Variants in NXN observed in about 807,000 individuals in gnomAD.
NXN encodes nucleoredoxin.
A neutral mutation model predicts 48.6 loss-of-function variants in NXN; 16 were observed. That is an observed-to-expected ratio of 0.33 (90% CI 0.22 to 0.50). The LOEUF is 0.50. Among genes scored for constraint, NXN ranks in the 20% least tolerant of loss-of-function variants. The pLI is 0.98. For missense variants in NXN, 492 were observed against 605.5 expected (o/e 0.81, Z 1.97); for synonymous variants, 281 against 269.6 (o/e 1.04, Z -0.41).
intron 1 of NXN, among the ~76,000 whole-genome samples, chr17:961,404 A>G (rs578192823): frequency 4.7e-4 from 71 of 152,168 alleles, no homozygotes; most frequent in African/African-American, 1.6e-3. Flanking sequence ...AAAAAAGAAA[A>G]AGAAATAGCT....
chr17:808,305 A>AT (rs10644625), intron 5 of NXN, among the ~76,000 whole-genome samples: 24,494 of 140,392 alleles, frequency 0.17, 2,416 homozygotes, highest in East Asian at 0.36. Context: ...TGAAATACAC[A>AT]TTTTTTTTTT....
chr17:939,819 C>CT (rs1040690243), intron 1 of NXN, among the ~76,000 whole-genome samples: 5 of 152,146 alleles, frequency 3.3e-5, no homozygotes, highest in Admixed American at 1.3e-4. Flanking sequence ...CCCCCACATG[C>CT]TTTTTTTGTA....
chr17:888,174 C>T (rs1161354256), intron 1 of NXN, among the ~76,000 whole-genome samples: 1 of 152,182 alleles, frequency 6.6e-6, no homozygotes, highest in African/African-American at 2.4e-5. Context: ...AAAGGAAAAT[C>T]TGTATCTTAC....
chr17:953,875 G>A (rs942895695), intron 1 of NXN, among the ~76,000 whole-genome samples: 1 of 152,080 alleles, frequency 6.6e-6, no homozygotes, highest in Non-Finnish European at 1.5e-5. Flanking sequence ...GGTTGAGGCT[G>A]CAGTGGGCCA....
Position 819,491 on chromosome 17 carries a change from G to A in NXN, c.768C>T (p.Pro256=), listed in dbSNP as rs1199712134. 6.2e-7 allele frequency: 1 copy of A among 1,613,510 alleles called. No homozygotes were observed. Among genetic ancestry groups the A allele is most frequent in the Non-Finnish European group, 8.5e-7 (1 of 1,179,772 alleles). ...YFSEMPWLAV[P]YTDEARRSRL... is the part of the protein sequence containing the mutation. ...GCGACCGCCGGGCCTCATCCGTGTA[G>A]GGGACGGCGAGCCAGGGCATCTCAC... Residue 256 remains proline (P), a synonymous_variant, in exon 5 of 8, where the codon CCC becomes CCT. Transcript: ENST00000336868.
chr17:810,313 TGTGCACGTTACGA>T (rs1289542849), intron 5 of NXN, among the ~76,000 whole-genome samples: 2 of 97,248 alleles, frequency 2.1e-5, no homozygotes, highest in Non-Finnish European at 4.3e-5. Flanking sequence ...CTGTGAGTGG[TGTGCACGTTACGA>T]GTGCATGTGA....
intron 5 of NXN, among the ~76,000 whole-genome samples, chr17:813,670 T>G (rs1490024299): frequency 6.6e-6 from 1 of 152,132 alleles, no homozygotes; most frequent in Non-Finnish European, 1.5e-5. Flanking sequence ...TTTTTTTTTG[T>G]TTAAGAGACT....
chr17:910,035 A>T (rs1441954939), intron 1 of NXN: 1 of 152,230 alleles, frequency 6.6e-6, no homozygotes, highest in Non-Finnish European at 1.5e-5. Context: ...CCAAGAGAAC[A>T]ATCTTAAATC....
rs575745914 is a variant in NXN, at chr17:835,256, T to C, written c.361-9178A>G. Reference sequence around the variant, plus strand: ...CCAGGAGGCGGAGCTTGCAGTGAGCTGAGATCGTGCCACTGCACTCCAGCC... The same window carrying C: ...CCAGGAGGCGGAGCTTGCAGTGAGCCGAGATCGTGCCACTGCACTCCAGCC... On this transcript the variant is annotated intron_variant, in intron 1 of 7. Transcript: ENST00000336868. Among the ~76,000 whole-genome samples the C allele has an allele frequency of 1.3e-3, 191 of 146,788 alleles. 1 individual carries two copies. The highest frequency in any genetic ancestry group is 2.9e-3 in the Admixed American group (42 of 14,484).
chr17:813,722 A>G (rs1219569157), intron 5 of NXN, among the ~76,000 whole-genome samples: 1 of 152,104 alleles, frequency 6.6e-6, no homozygotes, highest in African/African-American at 2.4e-5. Context: ...TAATCCCAGC[A>G]CTTTGGGAGG....
intron 1 of NXN, among the ~76,000 whole-genome samples, chr17:922,455 A>C (rs915030294): frequency 6.6e-6 from 1 of 152,098 alleles, no homozygotes; most frequent in African/African-American, 2.4e-5. Context: ...AAAAAAAGAA[A>C]AAAAGAAAAG....
chr17:882,747 T>G (rs901528255), intron 1 of NXN, among the ~76,000 whole-genome samples: 75 of 151,004 alleles, frequency 5.0e-4, no homozygotes, highest in African/African-American at 1.6e-3. Flanking sequence ...TTATAGGCGT[T>G]AGCCACCGCA....
intron 1 of NXN, among the ~76,000 whole-genome samples, chr17:950,842 C>G (rs968311696): frequency 6.6e-6 from 1 of 151,844 alleles, no homozygotes; most frequent in African/African-American, 2.4e-5. Flanking sequence ...GTGTTTGGCA[C>G]AAAGAAGACC....
At chr17:870,233 A>C (rs1261224651) in intron 1 of NXN, among the ~76,000 whole-genome samples, 1 of 152,194 alleles carries the variant, frequency 6.6e-6, no homozygotes, top group Non-Finnish European at 1.5e-5. Context: ...TTCTGATTCC[A>C]GTTCTCCAGC....
At chr17:871,126 G>A (rs903559509) in intron 1 of NXN, among the ~76,000 whole-genome samples, 2 of 152,068 alleles carry the variant, frequency 1.3e-5, no homozygotes, top group Non-Finnish European at 2.9e-5. Flanking sequence ...CTCCCAAAGT[G>A]CTGGGATTAC....
chr17:915,863 A>C, intron 1 of NXN, among the ~76,000 whole-genome samples: 1 of 151,610 alleles, frequency 6.6e-6, no homozygotes. Context: ...GCGGCCACTT[A>C]TGGTGTCAGA....
intron 1 of NXN, among the ~76,000 whole-genome samples, chr17:950,289 C>T (rs897516860): frequency 2.6e-5 from 4 of 152,130 alleles, no homozygotes; most frequent in African/African-American, 9.7e-5. Context: ...TCTTTTTATA[C>T]AAGAAAGGGA....
intron 1 of NXN, among the ~76,000 whole-genome samples, chr17:908,269 C>G (rs11652877): frequency 0.54 from 82,656 of 151,976 alleles, 22,889 homozygotes; most frequent in Admixed American, 0.66. Context: ...CGGGCACGGT[C>G]GTTCACGCCT....
Position 805,200 on chromosome 17 carries a change from G to C in NXN, c.868C>G (p.Arg290Gly). Residue 290 changes from arginine (R) to glycine (G), a missense_variant, in exon 6 of 8, where the codon CGG becomes GGG. By Grantham distance (125) the Arg-to-Gly change is moderately radical. Around this residue, in one of 3 missense-constraint regions of NXN, gnomAD observed 303 missense variants for 388.3 expected, o/e 0.78. Transcript: ENST00000336868. Reference protein sequence around the residue: ...MLDPQGEVITRQGRVEVLNDE... With the variant: ...MLDPQGEVITGQGRVEVLNDE... ...TTCAGCACCTCCACCCGCCCCTGCCGCGTGATCACCTCGCCCTGCGGGTCC... is the reference window on the plus strand; with the variant it reads ...TTCAGCACCTCCACCCGCCCCTGCCCCGTGATCACCTCGCCCTGCGGGTCC... 1 of 1,611,784 alleles carries C rather than the reference G, an allele frequency of 6.2e-7. No individual in the cohort carries two copies. Among genetic ancestry groups the C allele is most frequent in the Non-Finnish European group, 8.5e-7 (1 of 1,179,528 alleles).
Sources: gnomAD v4.1 joint callset for allele counts (sites outside exome capture counted in the v4.1 genomes callset) on GRCh38, gnomAD v4.1.1 for gene constraint, gnomAD v4.1.1 regional missense constraint, MANE v1.5 for transcripts, NCBI Gene and HGNC (gene_info 2026-07-23, HGNC 2026-07-21) for gene names.